UBOX5: variants seen among roughly 807,000 people sequenced by gnomAD.
The protein encoded by UBOX5 is U-box domain containing 5.
A neutral mutation model predicts 39.0 loss-of-function variants in UBOX5; 28 were observed. The observed-to-expected ratio is 0.72, with a 90% confidence interval of 0.53 to 0.98. The LOEUF (loss-of-function observed/expected upper bound fraction) is 0.98, where lower values mean the gene tolerates loss of function less well. Among genes scored for constraint, UBOX5 ranks in the 50% least tolerant of loss-of-function variants. The probability of loss-of-function intolerance (pLI) is 0.00; values close to 1 mark genes in which losing one functional copy is unlikely to be tolerated. For synonymous variants in UBOX5, 283 were observed against 275.5 expected (o/e 1.03, Z -0.27); for missense variants, 585 against 674.4 (o/e 0.87, Z 1.47).
intron 1 of UBOX5, among the ~76,000 whole-genome samples, chr20:3,133,189 G>A (rs1294238705): frequency 6.6e-6 from 1 of 152,158 alleles, no homozygotes; most frequent in African/African-American, 2.4e-5. Flanking sequence ...TGCTATCAAA[G>A]TCTTTAATAG....
chr20:3,126,479 C>A (rs1568473280), intron 1 of UBOX5, among the ~76,000 whole-genome samples: 2 of 148,500 alleles, frequency 1.3e-5, no homozygotes, highest in African/African-American at 5.0e-5. Flanking sequence ...ATCCCCCTCT[C>A]CGAGAAACAC....
At position 3,122,526 on chromosome 20, in the gene UBOX5, C is replaced by G; in HGVS notation, c.113G>C (p.Ser38Thr). 1 of 1,612,014 alleles carries G rather than the reference C, an allele frequency of 6.2e-7. No individual in the cohort carries two copies. The highest frequency in any genetic ancestry group is 8.5e-7 in the Non-Finnish European group (1 of 1,178,794). The change falls in exon 3 of 5, where the codon AGT becomes ACT. Residue 38 changes from serine to threonine, a missense_variant. Physicochemically the swap from Ser to Thr is moderately conservative, Grantham distance 58. Coordinates refer to ENST00000217173, the MANE Select transcript of UBOX5 (RefSeq NM_014948.4). The stretch of plus-strand genomic sequence containing the variant: ...GAAATACTCTGTCCTGAAACCATGA[C>G]TTCTCTTTGTGAGATCTTCAGAGAT... Reference protein sequence around the residue: ...NLISEDLTKRSHGFRTEYFIK... With the variant: ...NLISEDLTKRTHGFRTEYFIK...
Position 3,112,428 on chromosome 20 carries a change from G to GA in UBOX5, c.1418-2115dup, listed in dbSNP as rs11477759. Among the ~76,000 whole-genome samples, 604 of 120,930 alleles carry GA rather than the reference G, an allele frequency of 5.0e-3. 3 individuals are homozygous for GA. The highest frequency in any genetic ancestry group is 0.014 in the Middle Eastern group (3 of 212). 79.3% of individuals were successfully genotyped at this position (120,930 alleles called of 152,430 possible). On this transcript the variant is annotated intron_variant, in intron 4 of 4. Transcript: ENST00000217173. The stretch of plus-strand genomic sequence containing the variant: ...AGCCCCAGGGGCAGTTTCAGTGACA[G>GA]AAAAAAAAAAAAAAAAATCATCAAG...
rs556845943 is a variant in UBOX5, at chr20:3,115,510, G to A, written c.1256-44C>T. 1.1e-5 allele frequency: 17 copies of A among 1,559,878 alleles called. 1 individual carries two copies. The highest frequency in any genetic ancestry group is 5.7e-5 in the Admixed American group (3 of 52,866). ...AGCACAACATCCAGAGACAGGCTCC[G>A]CAAAAGAGAACAGCCTCAAGTCCTT... On this transcript the variant is annotated intron_variant, in intron 3 of 4. Transcript: ENST00000217173.
chr20:3,123,915 T>G (rs1229177065), intron 1 of UBOX5, among the ~76,000 whole-genome samples: 2 of 152,148 alleles, frequency 1.3e-5, no homozygotes, highest in African/African-American at 2.4e-5. Context: ...AGGCCAGGTG[T>G]GGTGGCTCAT....
chr20:3,126,961 G>A (rs547319356), intron 1 of UBOX5, among the ~76,000 whole-genome samples: 93 of 144,418 alleles, frequency 6.4e-4, no homozygotes, highest in African/African-American at 2.3e-3. Flanking sequence ...ACTTGAACCC[G>A]GGAGGTGGAG....
At chr20:3,140,321 C>T (rs955028829) in intron 1 of UBOX5, among the ~76,000 whole-genome samples, 1 of 152,134 alleles carries the variant, frequency 6.6e-6, no homozygotes, top group Non-Finnish European at 1.5e-5. Context: ...GCCACCGCAC[C>T]CAGCCCAGTT....
chr20:3,110,724 G>C lies in UBOX5; in HGVS notation c.1418-410C>G, dbSNP rs540218249. On this transcript the variant is annotated intron_variant, in intron 4 of 4. Transcript: ENST00000217173. ...CAAGAGAAGGAAAAGGCAGGTCAGT[G>C]GGGTGGCTCAAGCCTGTAATCCCAG... 2.7e-3 allele frequency: 691 copies of C among 253,702 alleles called. 9 individuals are homozygous for C. The highest frequency in any genetic ancestry group is 4.0e-3 in the Non-Finnish European group (506 of 127,876). 15.7% of individuals were successfully genotyped at this position (253,702 alleles called of 1,614,324 possible).
At chr20:3,124,294 C>A (rs145983280) in intron 1 of UBOX5, among the ~76,000 whole-genome samples, 1 of 152,152 alleles carries the variant, frequency 6.6e-6, no homozygotes, top group Non-Finnish European at 1.5e-5. Context: ...GATCTCAGCT[C>A]GCTGCAACCT....
intron 1 of UBOX5, among the ~76,000 whole-genome samples, chr20:3,158,623 C>T (rs1041349992): frequency 6.6e-6 from 1 of 152,152 alleles, no homozygotes; most frequent in Admixed American, 6.5e-5. Flanking sequence ...TACAGGCGCC[C>T]GCCACCACGC....
intron 1 of UBOX5, among the ~76,000 whole-genome samples, chr20:3,134,436 G>A (rs928221636): frequency 6.6e-6 from 1 of 151,232 alleles, no homozygotes; most frequent in African/African-American, 2.4e-5. Flanking sequence ...AGACAATAAA[G>A]ACTTCTTTCT....
chr20:3,116,081 C>G (rs2066291923), intron 3 of UBOX5, among the ~76,000 whole-genome samples: 1 of 152,070 alleles, frequency 6.6e-6, no homozygotes, highest in African/African-American at 2.4e-5. Context: ...CCTTGCTGGC[C>G]AAGAAAATAA....
At chr20:3,115,575 A>G in intron 3 of UBOX5, 109 bp from the exon 4 acceptor site, 1 of 1,213,356 alleles carries the variant, frequency 8.2e-7, no homozygotes, top group East Asian at 2.7e-5. Flanking sequence ...TCACACATCA[A>G]TGTAATGAAA....
At chr20:3,130,226 AAAAT>A (rs58208899) in intron 1 of UBOX5, among the ~76,000 whole-genome samples, 5,092 of 145,462 alleles carry the variant, frequency 0.035, 135 homozygotes, top group South Asian at 0.089. Context: ...CCTGTCTCCA[AAAAT>A]AAATAAATAA....
chr20:3,158,678 A>G (rs565647855), intron 1 of UBOX5, among the ~76,000 whole-genome samples: 2,075 of 151,918 alleles, frequency 0.014, 52 homozygotes, highest in African/African-American at 0.047. Context: ...GTTTCACCAT[A>G]TTAGCCAAGA....
intron 1 of UBOX5, among the ~76,000 whole-genome samples, chr20:3,131,036 C>A (rs956159817): frequency 3.3e-5 from 5 of 152,016 alleles, no homozygotes; most frequent in African/African-American, 1.2e-4. Flanking sequence ...TCAAGACCAG[C>A]CTGGGCAATA....
Position 3,110,001 on chromosome 20 carries a change from G to C in UBOX5, c.*105C>G. 2 of 1,355,770 alleles carry C rather than the reference G, an allele frequency of 1.5e-6. No homozygotes were observed. Among genetic ancestry groups the C allele is most frequent in the South Asian group, 2.4e-5 (2 of 82,772 alleles). The allele number at this position is 1,355,770 out of a possible 1,614,324, so 84.0% of individuals were successfully genotyped here. A position where few individuals can be genotyped will look rare whatever the true frequency, so the allele number is the denominator to read the frequency against. ...GAAGAGCCCCGGGAGGGAGCAGGCA[G>C]CTCTGTGCCTGGGGCCTGGCCAGAC... On this transcript the variant is annotated 3_prime_UTR_variant, in exon 5 of 5. Coordinates refer to ENST00000217173, the MANE Select transcript of UBOX5 (RefSeq NM_014948.4).
intron 1 of UBOX5, chr20:3,151,836 G>A (rs947736564): frequency 9.9e-5 from 15 of 151,994 alleles, no homozygotes; most frequent in African/African-American, 3.6e-4. Context: ...CAGGCGTGGT[G>A]GCTCATGCCT....
chr20:3,146,837 T>C (rs1374510710), intron 1 of UBOX5: 2 of 1,614,032 alleles, frequency 1.2e-6, no homozygotes, highest in African/African-American at 2.7e-5. Flanking sequence ...GCGAGTTCGT[T>C]TCAGTAGTGG....
Sources: gnomAD v4.1 joint callset for allele counts (sites outside exome capture counted in the v4.1 genomes callset) on GRCh38, gnomAD v4.1.1 for gene constraint, MANE v1.5 for transcripts, NCBI Gene and HGNC (gene_info 2026-07-23, HGNC 2026-07-21) for gene names.